The following LRRC9 variants were observed in gnomAD, a reference collection of about 807,000 sequenced individuals.
LRRC9 encodes leucine-rich repeat-containing protein 9.
A neutral mutation model predicts 63.2 loss-of-function variants in LRRC9; 122 were observed. The observed-to-expected ratio is 1.93, with a 90% CI of 1.67 to 2.24. The LOEUF (loss-of-function observed/expected upper bound fraction) is 2.24, where lower values mean the gene tolerates loss of function less well. Among genes scored for constraint, LRRC9 ranks in the 30% most tolerant of loss-of-function variants. The pLI is 0.00. For missense variants in LRRC9, 1,071 were observed against 627.7 expected, an observed-to-expected ratio of 1.71 and a Z score of -7.55; for synonymous variants, 366 against 213.1, an observed-to-expected ratio of 1.72 and a Z score of -6.25.
At position 59,979,947 on chromosome 14, in the gene LRRC9, C is replaced by T. The variant is rs184418831; in HGVS notation, c.1878+1815C>T. 1.5e-4 allele frequency among the ~76,000 whole-genome samples: 23 copies of T among 151,746 alleles called. No individual in the cohort carries two copies. The East Asian group carries it at 4.3e-3, about 28-fold the overall frequency. The stretch of plus-strand genomic sequence containing the variant: ...CTAACCTGCACATTGTGCACATGTA[C>T]CCTAATACTTAAAGTATAATAATAA... On this transcript the variant is annotated intron_variant, in intron 15 of 31. Coordinates refer to ENST00000445360, the Ensembl canonical transcript of LRRC9.
rs780423764 is a variant in LRRC9 at position 60,051,800 on chromosome 14, C to T, written c.3991-1265C>T. ...ACTCCACACTGCTCTGTGTATCAGACCCAAAGCCCTGGAGACATGGGCTCA... is the reference window on the plus strand; with the variant it reads ...ACTCCACACTGCTCTGTGTATCAGATCCAAAGCCCTGGAGACATGGGCTCA... On this transcript the variant is annotated intron_variant, in intron 29 of 31. Coordinates refer to ENST00000445360, the Ensembl canonical transcript of LRRC9. This position sits in a 1 kb window ranked among gnomAD's most constrained non-coding sequence, Gnocchi z 4.7. Among the ~76,000 whole-genome samples, 9 of 152,196 alleles carry T rather than the reference C, an allele frequency of 5.9e-5. No individual in the cohort carries two copies. The highest frequency in any genetic ancestry group is 2.1e-4 in the South Asian group (1 of 4,836).
At chr14:59,972,409 C>A (rs1291790127) in intron 12 of LRRC9, among the ~76,000 whole-genome samples, 1 of 152,028 alleles carries the variant, frequency 6.6e-6, no homozygotes, top group Non-Finnish European at 1.5e-5. Flanking sequence ...AGGTCCAAAG[C>A]CTTTGACTAT....
In LRRC9 at chr14:60,017,331, TTC is replaced by T. The variant is rs1890773940; in HGVS notation, c.3317+543_3317+544del. 6.6e-6 allele frequency among the ~76,000 whole-genome samples: 1 copy of T among 152,090 alleles called. No homozygotes were observed. The highest frequency in any genetic ancestry group is 1.5e-5 in the Non-Finnish European group (1 of 67,994). ...GTTACTGAATCTCAATCATAAGATG[TTC>T]TTTCATATTTGTTTCTCCCTTTGTT... On this transcript the variant is annotated intron_variant, in intron 24 of 31. Transcript: ENST00000445360. The surrounding 1 kb of genome is among the most constrained non-coding windows in gnomAD (Gnocchi z 4.0).
Position 60,004,756 on chromosome 14 carries a change from G to C in LRRC9, c.2842+958G>C, listed in dbSNP as rs929643521. On this transcript the variant is annotated intron_variant, in intron 21 of 31. Transcript: ENST00000445360. The surrounding 1 kb of genome is among the most constrained non-coding windows in gnomAD (Gnocchi z 4.8). ...AATTGAAAGAAGCTTTCCATGACTTGCTACCAACTTTCTCTTATTCTCCCT... is the reference window on the plus strand; with the variant it reads ...AATTGAAAGAAGCTTTCCATGACTTCCTACCAACTTTCTCTTATTCTCCCT... Among the ~76,000 whole-genome samples, 1 of 151,926 alleles carries C rather than the reference G, an allele frequency of 6.6e-6. No homozygotes were observed. Among genetic ancestry groups the C allele is most frequent in the Non-Finnish European group, 1.5e-5 (1 of 67,916 alleles).
At chr14:60,062,446 A>T (rs1395782264) in intron 31 of LRRC9, among the ~76,000 whole-genome samples, 2 of 152,228 alleles carry the variant, frequency 1.3e-5, no homozygotes, top group African/African-American at 4.8e-5. Flanking sequence ...AGTGCTCACT[A>T]GTGAGGGAAC....
At chr14:59,994,454 G>A (rs576617063) in intron 17 of LRRC9, among the ~76,000 whole-genome samples, 2 of 152,322 alleles carry the variant, frequency 1.3e-5, no homozygotes, top group African/African-American at 4.8e-5. Flanking sequence ...TCAGTGTGGT[G>A]ATTCCTCAGG....
rs572187582 is a variant in LRRC9, at chr14:59,961,101, A to T, written c.1211+56A>T. On this transcript the variant is annotated intron_variant, in intron 10 of 31. Transcript: ENST00000445360. ...AAAAATAACTTAAGTACTTAGGATC[A>T]TCAACCAGAATATCAACTTATAAAA... 4.3e-4 allele frequency: 221 copies of T among 518,180 alleles called. 3 individuals carry two copies. In the Middle Eastern group the frequency reaches 5.2e-3, roughly 12 times the overall value. 32.1% of individuals were successfully genotyped at this position (518,180 alleles called of 1,614,324 possible).
chr14:60,050,481 T>C (rs78425395), intron 29 of LRRC9, among the ~76,000 whole-genome samples: 2,801 of 152,282 alleles, frequency 0.018, 97 homozygotes, highest in East Asian at 0.15. Flanking sequence ...TTTTATTATG[T>C]TTCTTAGCTT....
At chr14:60,019,373 G>A in intron 26 of LRRC9, 113 bp downstream of exon 26, 4 of 460,510 alleles carry the variant, frequency 8.7e-6, no homozygotes, top group Non-Finnish European at 1.5e-5. Context: ...TTAGCTTATT[G>A]TAATACCTAT....
exon 22 of LRRC9, chr14:60,006,494 C>T: frequency 1.4e-6 from 1 of 702,128 alleles, no homozygotes; most frequent in Non-Finnish European, 2.6e-6. Context: ...TTCATCTTCA[C>T]TCGCTTTCTC....
In LRRC9 at chr14:60,017,743, G is replaced by A. The variant is rs116488102; in HGVS notation, c.3318-628G>A. On this transcript the variant is annotated intron_variant, in intron 24 of 31. Transcript: ENST00000445360. The surrounding 1 kb of genome is among the most constrained non-coding windows in gnomAD (Gnocchi z 4.0). ...AAGTTTAGGATTTATTTAGAGAACTGGTTAGGGAAAGGGATGTAGTTTTAT... is the reference window on the plus strand; with the variant it reads ...AAGTTTAGGATTTATTTAGAGAACTAGTTAGGGAAAGGGATGTAGTTTTAT... 2.4e-3 allele frequency among the ~76,000 whole-genome samples: 359 copies of A among 152,182 alleles called. 2 individuals carry two copies. Among genetic ancestry groups the A allele is most frequent in the African/African-American group, 8.3e-3 (345 of 41,544 alleles).
chr14:59,980,269 TACA>T (rs1472270996), intron 15 of LRRC9, among the ~76,000 whole-genome samples: 1 of 152,152 alleles, frequency 6.6e-6, no homozygotes, highest in Non-Finnish European at 1.5e-5. Flanking sequence ...TATTTCAAAA[TACA>T]ACCTTTATTG....
downstream of LRRC9, among the ~76,000 whole-genome samples, chr14:60,064,502 C>T (rs1221708350): frequency 6.6e-6 from 1 of 152,076 alleles, no homozygotes; most frequent in African/African-American, 2.4e-5. Flanking sequence ...GTCTATGCAA[C>T]AATTTTGTAT....
At chr14:60,008,267 T>C in intron 23 of LRRC9, 53 bp downstream of exon 23, 1 of 627,660 alleles carries the variant, frequency 1.6e-6, no homozygotes, top group Non-Finnish European at 2.9e-6. Context: ...AGTCACATAT[T>C]TATAGGACAT....
rs1241148687 is a variant in LRRC9 at position 60,034,083 on chromosome 14, C to T, written c.3990+2020C>T. ...TCACCCAAGATGGAGTGCAGTGGCA[C>T]AATCTCAGCTCACTGCAGCCTCTGC... On this transcript the variant is annotated intron_variant, in intron 29 of 31. Coordinates refer to ENST00000445360, the Ensembl canonical transcript of LRRC9. 1.1e-4 allele frequency among the ~76,000 whole-genome samples: 15 copies of T among 137,652 alleles called. No individual in the cohort carries two copies. The East Asian group carries it at 2.9e-3, about 27-fold the overall frequency. The allele number at this position is 137,652 out of a possible 152,430, so 90.3% of individuals were successfully genotyped here. A position where few individuals can be genotyped will look rare whatever the true frequency, so the allele number is the denominator to read the frequency against.
intron 8 of LRRC9, among the ~76,000 whole-genome samples, chr14:59,956,695 T>A (rs1425117663): frequency 2.0e-5 from 3 of 152,236 alleles, no homozygotes; most frequent in East Asian, 1.9e-4. Flanking sequence ...GCTAGCTGGT[T>A]ATTTTGCACA....
At chr14:60,057,653 G>GAA (rs34584505) in intron 30 of LRRC9, 11,878 of 222,380 alleles carry the variant, frequency 0.053, 179 homozygotes, top group East Asian at 0.1. Context: ...AATGCAGTCT[G>GAA]AAAAAAAAAA....
exon 20 of LRRC9, chr14:60,002,041 C>T (rs1889420203): frequency 1.4e-6 from 1 of 702,314 alleles, no homozygotes; most frequent in Admixed American, 2.0e-5. Context: ...TGCCAAAATT[C>T]TGACGCAGGT....
At chr14:59,973,252 T>C (rs1358989230) in intron 12 of LRRC9, among the ~76,000 whole-genome samples, 1 of 152,122 alleles carries the variant, frequency 6.6e-6, no homozygotes, top group Admixed American at 6.6e-5. Flanking sequence ...ATTTGACACA[T>C]CTTGTGGTGC....
Sources: allele counts gnomAD v4.1 joint callset (sites outside exome capture counted in the v4.1 genomes callset), GRCh38; gene constraint gnomAD v4.1.1; non-coding constraint Gnocchi (gnomAD v3.1); transcripts MANE v1.5; gene names NCBI Gene and HGNC (gene_info 2026-07-23, HGNC 2026-07-21).